ACP4: variants seen among roughly 807,000 people sequenced by gnomAD.
The protein encoded by ACP4 is acid phosphatase 4.
A neutral mutation model predicts 47.3 loss-of-function variants in ACP4; 49 were observed. That is an observed-to-expected ratio of 1.04 (90% CI 0.82 to 1.32). The LOEUF (loss-of-function observed/expected upper bound fraction) is 1.32. Among genes scored for constraint, ACP4 ranks in the 40% most tolerant of loss-of-function variants. The pLI, the probability that ACP4 is intolerant of heterozygous loss-of-function variation, is 0.00. For synonymous variants in ACP4, 299 were observed against 265.3 expected (o/e 1.13, Z -1.23); for missense variants, 594 against 579.3 (o/e 1.03, Z -0.26).
Position 50,790,429 on chromosome 19 carries a change from G to T in ACP4, c.15G>T (p.Gly5=), listed in dbSNP as rs370113887. 6.3e-7 allele frequency: 1 copy of T among 1,589,080 alleles called. No homozygotes were observed. Among genetic ancestry groups the T allele is most frequent in the African/African-American group, 1.3e-5 (1 of 74,746 alleles). ...GCTGGGTGGAAATGGCCGGCCTGGG[G>T]TTTTGGGGCCACCCTGCTGGACCTC... MAGL[G]FWGHPAGPLL... The change falls in exon 1 of 11, where the codon GGG becomes GGT. Residue 5 remains glycine, a synonymous_variant. Transcript: ENST00000270593.
Position 50,795,110 on chromosome 19 carries a change from G to C in ACP4, c.1233G>C (p.Leu411=), listed in dbSNP as rs369491643. ...VLVALSLGLG[L]LAWRPGCLRA... ...TGGCACTCAGCTTGGGGCTGGGCCTGCTGGCCTGGAGACCAGGGTGCCTGC... is the reference window on the plus strand; with the variant it reads ...TGGCACTCAGCTTGGGGCTGGGCCTCCTGGCCTGGAGACCAGGGTGCCTGC... Residue 411 remains leucine (L), a synonymous_variant, in exon 11 of 11, where the codon CTG becomes CTC. Transcript: ENST00000270593. 14 of 1,573,496 alleles carry C rather than the reference G, an allele frequency of 8.9e-6. No homozygotes were observed. Among genetic ancestry groups the C allele is most frequent in the African/African-American group, 2.7e-5 (2 of 73,940 alleles).
In ACP4 at chr19:50,793,772, A is replaced by G. The variant is rs1225911642; in HGVS notation, c.734A>G (p.His245Arg). ...ATCTCGGCTTTGGATATTGGAGCCC[A>G]CGTGGGCCCACCCCGGGCAGCAGAG... Reference protein sequence around the residue: ...AQISALDIGAHVGPPRAAEKA... With the variant: ...AQISALDIGARVGPPRAAEKA... The change falls in exon 7 of 11, where the codon CAC becomes CGC. Residue 245 changes from histidine to arginine, a missense_variant. Physicochemically the swap from His to Arg is conservative, Grantham distance 29 (BLOSUM62 0). Coordinates refer to ENST00000270593, the MANE Select transcript of ACP4 (RefSeq NM_033068.3). 2 of 1,613,828 alleles carry G rather than the reference A, an allele frequency of 1.2e-6. No homozygotes were observed. Among genetic ancestry groups the G allele is most frequent in the South Asian group, 2.2e-5 (2 of 91,090 alleles).
In ACP4 at chr19:50,791,469, G is replaced by A. The variant is rs58707726; in HGVS notation, c.304-187G>A. Reference sequence around the variant, plus strand: ...CCAACATGGCTGTCCAGCTTAGGACGTCCAGCCCAACTGCTCCTGACATTA... The same window carrying A: ...CCAACATGGCTGTCCAGCTTAGGACATCCAGCCCAACTGCTCCTGACATTA... On this transcript the variant is annotated intron_variant, in intron 3 of 10. Transcript: ENST00000270593. 3.6e-3 allele frequency among the ~76,000 whole-genome samples: 554 copies of A among 152,186 alleles called. 28 individuals are homozygous for A. The East Asian group carries it at 0.1, about 28-fold the overall frequency.
rs754596800 is a variant in ACP4 at position 50,790,516 on chromosome 19, C to T, written c.102C>T (p.Phe34=). ...PRALPEGPLV[F]VALVFRHGDR... ...CCCTGCCAGAAGGACCCCTGGTGTT[C>T]GTGGCTCTGGTGAGGCGCCCCCACC... Residue 34 remains phenylalanine, a synonymous_variant, in exon 1 of 11, where the codon TTC becomes TTT. Transcript: ENST00000270593. The T allele has an allele frequency of 7.8e-6, 12 of 1,548,190 alleles. No homozygotes were observed. In the South Asian group the frequency reaches 8.3e-5, roughly 11 times the overall value.
chr19:50,791,773 G>A lies in ACP4; in HGVS notation c.421G>A (p.Val141Met). 1 of 1,611,504 alleles carries A rather than the reference G, an allele frequency of 6.2e-7. No individual in the cohort carries two copies. The highest frequency in any genetic ancestry group is 8.5e-7 in the Non-Finnish European group (1 of 1,179,252). Residue 141 changes from valine (V) to methionine (M), a missense_variant, in exon 4 of 11, where the codon GTG becomes ATG. Transcript: ENST00000270593. The stretch of plus-strand genomic sequence containing the variant: ...CGAGGCCCGCTGGAGGCCGATCCCG[G>A]TGCACACGGTGCCCGTGGCTGAGGA... ...SPEARWRPIP[V>M]HTVPVAEDKL...
intron 8 of ACP4, 49 bp downstream of exon 8, chr19:50,794,019 G>A (rs377429941): frequency 3.3e-5 from 53 of 1,603,342 alleles, no homozygotes; most frequent in Non-Finnish European, 4.4e-5. Flanking sequence ...ACAGGGATGA[G>A]GGTGACAGCG....
At position 50,790,544 on chromosome 19, in the gene ACP4, G is replaced by A. The variant is rs1320127453; in HGVS notation, c.111+19G>A. 1.2e-5 allele frequency: 19 copies of A among 1,540,870 alleles called. No homozygotes were observed. In the East Asian group the frequency reaches 2.0e-4, roughly 16 times the overall value. On this transcript the variant is annotated intron_variant, in intron 1 of 10. Coordinates refer to ENST00000270593, the MANE Select transcript of ACP4 (RefSeq NM_033068.3). ...GGCTCTGGTGAGGCGCCCCCACCCC[G>A]GCCTGCCCTTAGCTCCCCCAGGGCT...
In ACP4 at chr19:50,793,744, C is replaced by G; in HGVS notation, c.706C>G (p.Gln236Glu). The G allele has an allele frequency of 3.1e-6, 5 of 1,613,798 alleles. No individual in the cohort carries two copies. The highest frequency in any genetic ancestry group is 4.2e-6 in the Non-Finnish European group (5 of 1,180,036). The part of the protein sequence containing the change: ...ASPDVLRTLA[Q>E]ISALDIGAHV... ...CCCAGATGTCCTGCGGACTCTTGCCCAGATCTCGGCTTTGGATATTGGAGC... is the reference window on the plus strand; with the variant it reads ...CCCAGATGTCCTGCGGACTCTTGCCGAGATCTCGGCTTTGGATATTGGAGC... Residue 236 changes from glutamine (Q) to glutamate (E), a missense_variant, in exon 7 of 11, where the codon CAG becomes GAG. By Grantham distance (29) the Gln-to-Glu change is conservative. Coordinates refer to ENST00000270593, the MANE Select transcript of ACP4 (RefSeq NM_033068.3).
At chr19:50,790,984 C>T in intron 3 of ACP4, 124 bp downstream of exon 3, 2 of 929,264 alleles carry the variant, frequency 2.2e-6, no homozygotes, top group Non-Finnish European at 3.2e-6. Flanking sequence ...TTGCCCTCTA[C>T]CTCTAATCTC....
Position 50,790,511 on chromosome 19 carries a change from G to T in ACP4, c.97G>T (p.Val33Leu). 6.5e-7 allele frequency: 1 copy of T among 1,550,260 alleles called. No individual in the cohort carries two copies. The change falls in exon 1 of 11, where the codon GTG becomes TTG. Residue 33 changes from valine (V) to leucine (L), a missense_variant. Val to Leu is a conservative substitution (Grantham distance 32). Transcript: ENST00000270593. ...CCGGGCCCTGCCAGAAGGACCCCTG[G>T]TGTTCGTGGCTCTGGTGAGGCGCCC... ...PPRALPEGPL[V>L]FVALVFRHGD...
chr19:50,792,539 T>TAA, intron 6 of ACP4: 2 of 598,536 alleles, frequency 3.3e-6, no homozygotes, highest in Non-Finnish European at 5.9e-6. Flanking sequence ...CCACGCACTG[T>TAA]GCTTACAATA....
chr19:50,793,647 G>C, intron 6 of ACP4, 37 bp from the exon 7 acceptor site: 1 of 1,600,482 alleles, frequency 6.2e-7, no homozygotes, highest in Non-Finnish European at 8.5e-7. Context: ...GCAAACTCGA[G>C]GGCTCAGGAT....
At chr19:50,790,560 C>T in intron 1 of ACP4, 34 bp from the exon 2 acceptor site, 4 of 1,540,980 alleles carry the variant, frequency 2.6e-6, no homozygotes, top group Non-Finnish European at 2.6e-6. Context: ...CCCTTAGCTC[C>T]CCCAGGGCTA....
intron 6 of ACP4, chr19:50,792,569 G>T: frequency 1.9e-6 from 1 of 514,398 alleles, no homozygotes; most frequent in East Asian, 3.1e-5. Flanking sequence ...GTACAGTGAG[G>T]GCCTTGCCAG....
In ACP4 at chr19:50,791,722, T is replaced by C. The variant is rs1291543021; in HGVS notation, c.370T>C (p.Phe124Leu). Residue 124 changes from phenylalanine (F) to leucine (L), a missense_variant, in exon 4 of 11, where the codon TTT becomes CTT. Phe to Leu is a conservative substitution (Grantham distance 22). Transcript: ENST00000270593. ...ESAQANLAGLFPEAAPGSPEA... is the reference protein window; with the variant it reads ...ESAQANLAGLLPEAAPGSPEA... Reference sequence around the variant, plus strand: ...TGCCCAGGCCAACCTTGCCGGGCTGTTTCCCGAGGCTGCTCCAGGGAGCCC... The same window carrying C: ...TGCCCAGGCCAACCTTGCCGGGCTGCTTCCCGAGGCTGCTCCAGGGAGCCC... 15 of 1,613,092 alleles carry C rather than the reference T, an allele frequency of 9.3e-6. No individual in the cohort carries two copies. The highest frequency in any genetic ancestry group is 1.3e-5 in the Non-Finnish European group (15 of 1,179,890).
rs1568466253 is a variant in ACP4, at chr19:50,795,046, C to T, written c.1169C>T (p.Pro390Leu). The T allele has an allele frequency of 5.6e-6, 9 of 1,610,606 alleles. No homozygotes were observed. The highest frequency in any genetic ancestry group is 1.1e-5 in the South Asian group (1 of 90,776). The change falls in exon 11 of 11, where the codon CCA becomes CTA. Residue 390 changes from proline to leucine, a missense_variant. Physicochemically the swap from Pro to Leu is moderately conservative, Grantham distance 98. Transcript: ENST00000270593. ...GPYEAAIPPAPVVPLLAGAVA... is the reference protein window; with the variant it reads ...GPYEAAIPPALVVPLLAGAVA... ...CCCCCGCGTGTTCTCCCTGCAGCTC[C>T]AGTGGTGCCCCTGCTGGCCGGAGCT...
intron 2 of ACP4, 35 bp from the exon 3 acceptor site, chr19:50,790,739 T>TTGGGGGGTGGGGCCTGGGGGGGGGGGGGG: frequency 1.2e-6 from 1 of 826,100 alleles, no homozygotes; most frequent in Non-Finnish European, 1.8e-6. Flanking sequence ...GTGGGAGGGG[T>TTGGGGGGTGGGGCCTGGGGGGGGGGGGGG]GGGGAGTGGT....
intron 4 of ACP4, 90 bp downstream of exon 4, chr19:50,791,892 A>G: frequency 6.7e-7 from 1 of 1,494,762 alleles, no homozygotes; most frequent in East Asian, 2.5e-5. Context: ...GGCTCCGAGA[A>G]GCAAGACTGT....
chr19:50,791,257 T>C (rs746821000), intron 3 of ACP4, among the ~76,000 whole-genome samples: 5 of 152,190 alleles, frequency 3.3e-5, no homozygotes, highest in African/African-American at 2.4e-5. Flanking sequence ...ACCTACCTTT[T>C]CTGTCTCCTC....
Sources: gnomAD v4.1 joint callset for allele counts (sites outside exome capture counted in the v4.1 genomes callset) on GRCh38, gnomAD v4.1.1 for gene constraint, MANE v1.5 for transcripts, NCBI Gene and HGNC (gene_info 2026-07-23, HGNC 2026-07-21) for gene names.